The following STK3 variants were observed in gnomAD, a reference collection of about 807,000 sequenced individuals.
STK3 encodes the protein serine/threonine-protein kinase 3.
A neutral mutation model predicts 58.0 loss-of-function variants in STK3; 41 were observed. The ratio of observed to expected loss-of-function variants is 0.71; its 90% confidence interval spans 0.55 to 0.92. STK3 has a LOEUF of 0.92. Among genes scored for constraint, STK3 ranks in the 40% least tolerant of loss-of-function variants. STK3 has a pLI of 0.00. For synonymous variants in STK3, 170 were observed against 191.0 expected (o/e 0.89, Z 0.91); for missense variants, 479 against 602.7 (o/e 0.79, Z 2.15).
intron 3 of STK3, among the ~76,000 whole-genome samples, chr8:98,872,489 G>A (rs370727649): frequency 1.3e-5 from 2 of 152,088 alleles, no homozygotes; most frequent in Middle Eastern, 3.4e-3. Flanking sequence ...TTGGTTGGTA[G>A]GCTATTAATT....
chr8:98,865,155 C>A (rs1837087664), intron 3 of STK3, among the ~76,000 whole-genome samples: 1 of 152,120 alleles, frequency 6.6e-6, no homozygotes, highest in South Asian at 2.1e-4. Context: ...CTTTAGAAAG[C>A]CAAAGTGGGA....
chr8:98,350,021 C>T, the STK3 span, among the ~76,000 whole-genome samples: 3 of 152,184 alleles, frequency 2.0e-5, no homozygotes, highest in African/African-American at 7.2e-5. Flanking sequence ...GCTTGAATTT[C>T]TCCTCAGAAA....
intron 3 of STK3, among the ~76,000 whole-genome samples, chr8:98,857,976 TATG>T (rs1470867912): frequency 2.6e-5 from 4 of 151,986 alleles, no homozygotes; most frequent in Admixed American, 2.6e-4. Context: ...TGTTGAAAAA[TATG>T]ATAATTTTGA....
chr8:98,825,915 G>A (rs1260354256), upstream of STK3, among the ~76,000 whole-genome samples: 1 of 145,940 alleles, frequency 6.9e-6, no homozygotes, highest in Non-Finnish European at 1.5e-5. Context: ...CCCAGAGAAG[G>A]TGGACGGAGC....
At chr8:98,876,758 G>A (rs184513858) in intron 3 of STK3, among the ~76,000 whole-genome samples, 1 of 152,356 alleles carries the variant, frequency 6.6e-6, no homozygotes, top group African/African-American at 2.4e-5. Flanking sequence ...GTGCGAAAGT[G>A]AGAAAGCCTC....
chr8:98,763,345 A>T (rs1008676884), intron 3 of STK3, among the ~76,000 whole-genome samples: 2 of 152,262 alleles, frequency 1.3e-5, no homozygotes, highest in African/African-American at 4.8e-5. Flanking sequence ...GCTAACATGT[A>T]GTATTCAGCC....
At chr8:98,828,466 CA>C (rs1835406043), upstream of STK3, among the ~76,000 whole-genome samples, 1 of 72,894 alleles carries the variant, frequency 1.4e-5, no homozygotes. Context: ...AAAAAAAAAA[CA>C]AAAGAAATAG....
In STK3 at chr8:98,428,381, G is replaced by A. The variant is rs1327714537; in HGVS notation, n.483+5746C>T. The A allele has an allele frequency of 2.2e-5, 35 of 1,614,088 alleles. No individual in the cohort carries two copies. Among genetic ancestry groups the A allele is most frequent in the Non-Finnish European group, 2.8e-5 (33 of 1,180,052 alleles). On this transcript the variant is annotated intron_variant and non_coding_transcript_variant, in intron 3 of 3. Coordinates refer to the STK3 transcript ENST00000517832. This position sits in a 1 kb window ranked among gnomAD's most constrained non-coding sequence, Gnocchi z 6.7. ...GCAAAGTAGAGCCCGAGCAGGAGAA[G>A]TGGGACGAGCAGAGTGACCAGGAGA...
At chr8:98,700,369 C>T (rs1825465667) in intron 6 of STK3, among the ~76,000 whole-genome samples, 1 of 152,218 alleles carries the variant, frequency 6.6e-6, no homozygotes. Context: ...TGCACTGCAT[C>T]CACTGTCCTG....
At chr8:98,579,852 G>A (rs997706557) in intron 7 of STK3, 63 bp from the exon 8 acceptor site, 8 of 1,397,074 alleles carry the variant, frequency 5.7e-6, no homozygotes, top group South Asian at 1.4e-5. Flanking sequence ...GCTAACAAAT[G>A]TTAAAACAAC....
At chr8:98,482,176 G>A (rs1336422346) in intron 10 of STK3, among the ~76,000 whole-genome samples, 1 of 152,140 alleles carries the variant, frequency 6.6e-6, no homozygotes, top group Non-Finnish European at 1.5e-5. Context: ...TTTTTGACAT[G>A]CAAGTCTTGA....
chr8:98,650,698 G>T (rs1336076444), intron 6 of STK3, among the ~76,000 whole-genome samples: 1 of 152,230 alleles, frequency 6.6e-6, no homozygotes, highest in Non-Finnish European at 1.5e-5. Context: ...TCCCGCCCAT[G>T]GCTCGGAGGG....
the STK3 span, among the ~76,000 whole-genome samples, chr8:98,365,245 T>C: frequency 6.6e-6 from 1 of 152,240 alleles, no homozygotes; most frequent in Non-Finnish European, 1.5e-5. Flanking sequence ...ATGCTTTGCT[T>C]TTAATATCAC....
intron 9 of STK3, among the ~76,000 whole-genome samples, chr8:98,536,609 A>G (rs546464021): frequency 6.6e-6 from 1 of 152,228 alleles, no homozygotes; most frequent in Non-Finnish European, 1.5e-5. Context: ...GAGAACAAGC[A>G]TAATACCCTA....
At chr8:98,650,732 G>C (rs1010747535) in intron 6 of STK3, among the ~76,000 whole-genome samples, 3 of 152,210 alleles carry the variant, frequency 2.0e-5, no homozygotes, top group Non-Finnish European at 2.9e-5. Flanking sequence ...GAGTCTCGCT[G>C]ATTGCTAGGA....
chr8:98,784,976 T>A (rs1320595353), intron 1 of STK3, among the ~76,000 whole-genome samples: 1 of 151,036 alleles, frequency 6.6e-6, no homozygotes, highest in Non-Finnish European at 1.5e-5. Context: ...CTCAGACAGA[T>A]CTCCCAGGCA....
intron 1 of STK3, among the ~76,000 whole-genome samples, chr8:98,793,898 C>G (rs1019323627): frequency 6.6e-6 from 1 of 151,972 alleles, no homozygotes; most frequent in Non-Finnish European, 1.5e-5. Context: ...GAAGATCTCT[C>G]AGAACCACAT....
intron 1 of STK3, among the ~76,000 whole-genome samples, chr8:98,787,583 C>G (rs1459244021): frequency 6.6e-6 from 1 of 152,156 alleles, no homozygotes; most frequent in Admixed American, 6.5e-5. Context: ...GCTCAAAGAA[C>G]ACCTGGGGAA....
At chr8:98,504,730 T>C (rs1823914894) in intron 10 of STK3, among the ~76,000 whole-genome samples, 1 of 152,230 alleles carries the variant, frequency 6.6e-6, no homozygotes, top group Non-Finnish European at 1.5e-5. Context: ...CACTGTCTAC[T>C]GGCTTGTAGA....
Sources: allele counts gnomAD v4.1 joint callset (sites outside exome capture counted in the v4.1 genomes callset), GRCh38; gene constraint gnomAD v4.1.1; non-coding constraint Gnocchi (gnomAD v3.1); transcripts MANE v1.5; gene names NCBI Gene and HGNC (gene_info 2026-07-23, HGNC 2026-07-21).